ARID3A: variants seen among roughly 807,000 people sequenced by gnomAD.
ARID3A encodes AT-rich interactive domain-containing protein 3A.
ARID3A carries 11 observed loss-of-function variants against 52.7 expected under a neutral mutation model. The observed-to-expected ratio is 0.21, with a 90% CI of 0.13 to 0.35. ARID3A has a LOEUF of 0.35. Among genes scored for constraint, ARID3A ranks in the 10% least tolerant of loss-of-function variants. ARID3A has a pLI of 1.00. For missense variants in ARID3A, 721 were observed against 838.5 expected, an observed-to-expected ratio of 0.86 and a Z score of 1.73; for synonymous variants, 404 against 359.4, an observed-to-expected ratio of 1.12 and a Z score of -1.40.
rs1212722141 is a variant in ARID3A at position 972,518 on chromosome 19, TTC to T, written c.*457_*458del. 1 of 216,188 alleles carries T rather than the reference TTC, an allele frequency of 4.6e-6. No homozygotes were observed. Among genetic ancestry groups the T allele is most frequent in the Non-Finnish European group, 9.3e-6 (1 of 107,224 alleles). 13.4% of individuals were successfully genotyped at this position (216,188 alleles called of 1,614,324 possible). ...GTGTTTTCATTTTTGTCTGCTTTAG[TTC>T]TCTTTTATTTTCTATTCACCACACA... On this transcript the variant is annotated 3_prime_UTR_variant, in exon 9 of 9. Coordinates refer to ENST00000263620, the MANE Select transcript of ARID3A (RefSeq NM_005224.3).
intron 3 of ARID3A, among the ~76,000 whole-genome samples, chr19:954,710 G>A (rs546740605): frequency 3.3e-5 from 5 of 152,040 alleles, no homozygotes; most frequent in Admixed American, 6.5e-5. Flanking sequence ...CTGGGAGGAC[G>A]GGGGGCTCCC....
At chr19:970,782 T>C (rs1192686932) in intron 8 of ARID3A, among the ~76,000 whole-genome samples, 3 of 151,972 alleles carry the variant, frequency 2.0e-5, no homozygotes, top group Non-Finnish European at 4.4e-5. Context: ...GGTAAATGAA[T>C]AGTTTTTCTT....
rs956521955 is a variant in ARID3A at position 974,944 on chromosome 19, G to T, written c.*2879G>T. 2.2e-5 allele frequency: 5 copies of T among 229,890 alleles called. No individual in the cohort carries two copies. The highest frequency in any genetic ancestry group is 4.3e-5 in the Non-Finnish European group (5 of 115,978). The allele number at this position is 229,890 out of a possible 1,614,324, so 14.2% of individuals were successfully genotyped here. On this transcript the variant is annotated 3_prime_UTR_variant, in exon 9 of 9. Coordinates refer to ENST00000263620, the MANE Select transcript of ARID3A (RefSeq NM_005224.3). ...GCTGAAGGCAGTGGCCATGCTGGCC[G>T]TGGAAATGGGAGGCGGTTGCAGAGG...
In ARID3A at chr19:971,932, GA is replaced by G. The variant is rs759830543; in HGVS notation, c.1650del (p.Gly551AlafsTer113). 1.9e-4 allele frequency: 295 copies of G among 1,576,978 alleles called. 19 individuals carry two copies. Among genetic ancestry groups the G allele is most frequent in the Admixed American group, 1.0e-3 (59 of 56,554 alleles). On this transcript the variant is annotated frameshift_variant, in exon 9 of 9. Coordinates refer to ENST00000263620, the MANE Select transcript of ARID3A (RefSeq NM_005224.3). LOFTEE classifies it low-confidence loss of function (END_TRUNC). The stretch of plus-strand genomic sequence containing the variant: ...ACGCCAACCTCTGCTCCCAACAAAG[GA>G]GGCGGCGGCGGCGGCGGCAGCAGCA... ...APTPTSAPNK[G>X]GGGGGGSSSN...
At chr19:935,635 A>G (rs2037423597) in intron 3 of ARID3A, among the ~76,000 whole-genome samples, 1 of 151,634 alleles carries the variant, frequency 6.6e-6, no homozygotes, top group Non-Finnish European at 1.5e-5. Context: ...GCGCCACCAA[A>G]CTCAGCTAAT....
At position 960,051 on chromosome 19, in the gene ARID3A, G is replaced by C. The variant is rs192910888; in HGVS notation, c.694-41G>C. On this transcript the variant is annotated intron_variant, in intron 3 of 8. Coordinates refer to ENST00000263620, the MANE Select transcript of ARID3A (RefSeq NM_005224.3). This position sits in a 1 kb window ranked among gnomAD's most constrained non-coding sequence, Gnocchi z 4.3. The stretch of plus-strand genomic sequence containing the variant: ...GGAGGGACATGGTTCCCACACCTGA[G>C]CTCTGGCACCAACTAACCCATCCCC... 22 of 1,576,436 alleles carry C rather than the reference G, an allele frequency of 1.4e-5. No individual in the cohort carries two copies. The Admixed American group carries it at 2.4e-4, about 17-fold the overall frequency.
intron 3 of ARID3A, among the ~76,000 whole-genome samples, chr19:937,695 T>A (rs1376023054): frequency 6.8e-6 from 1 of 147,206 alleles, no homozygotes; most frequent in Non-Finnish European, 1.5e-5. Context: ...CTTGTTATTG[T>A]CGACTTTTTT....
In ARID3A at chr19:932,590, C is replaced by A; in HGVS notation, c.541C>A (p.Gln181Lys). 5.9e-6 allele frequency: 9 copies of A among 1,515,946 alleles called. No individual in the cohort carries two copies. The highest frequency in any genetic ancestry group is 7.9e-6 in the Non-Finnish European group (9 of 1,133,932). 93.9% of individuals were successfully genotyped at this position (1,515,946 alleles called of 1,614,324 possible). Reference sequence around the variant, plus strand: ...GTTCCCCCGAAAGGCCCAGCCACCCCAGGCCTTCCGCGGCGATGGCGTTCC... The same window carrying A: ...GTTCCCCCGAAAGGCCCAGCCACCCAAGGCCTTCCGCGGCGATGGCGTTCC... ...ALFPRKAQPP[Q>K]AFRGDGVPRV... The change falls in exon 3 of 9, where the codon CAG (glutamine) becomes AAG (lysine). Residue 181 changes from glutamine (Q) to lysine (K), a missense_variant. Transcript: ENST00000263620.
intron 8 of ARID3A, among the ~76,000 whole-genome samples, chr19:970,324 A>G (rs1038295052): frequency 1.5e-4 from 23 of 151,942 alleles, no homozygotes; most frequent in African/African-American, 5.3e-4. Context: ...GAGGAAGAAA[A>G]AAAAAAGAAT....
chr19:953,152 G>A (rs1318906369), intron 3 of ARID3A, among the ~76,000 whole-genome samples: 2 of 152,054 alleles, frequency 1.3e-5, no homozygotes, highest in African/African-American at 4.8e-5. Flanking sequence ...GGTCCGGGCA[G>A]CCGGGGAACC....
intron 1 of ARID3A, among the ~76,000 whole-genome samples, chr19:926,686 G>A (rs2037207354): frequency 6.6e-6 from 1 of 151,290 alleles, no homozygotes. Flanking sequence ...GGGCGCCGGG[G>A]TGGGTTGGGC....
Position 974,308 on chromosome 19 carries a change from T to C in ARID3A, c.*2243T>C, listed in dbSNP as rs1785755319. ...CCTTTCCAGGAGGGGGTGGTGGGCG[T>C]CTAGGTTTTCCTTGTCCCTTCCTGG... On this transcript the variant is annotated 3_prime_UTR_variant, in exon 9 of 9. Coordinates refer to ENST00000263620, the MANE Select transcript of ARID3A (RefSeq NM_005224.3). 8.8e-6 allele frequency: 2 copies of C among 226,854 alleles called. No individual in the cohort carries two copies. The highest frequency in any genetic ancestry group is 1.8e-5 in the Non-Finnish European group (2 of 114,200). The allele number at this position is 226,854 out of a possible 1,614,324, so 14.1% of individuals were successfully genotyped here. A position where few individuals can be genotyped will look rare whatever the true frequency, so the allele number is the denominator to read the frequency against.
In ARID3A at chr19:960,266, C is replaced by T. The variant is rs1683584; in HGVS notation, c.766+102C>T. 765,935 of 1,063,528 alleles carry T rather than the reference C, an allele frequency of 0.72. 281,442 individuals are homozygous for T. Among genetic ancestry groups the T allele is most frequent in the Non-Finnish European group, 0.77 (574,974 of 751,082 alleles). 65.9% of individuals were successfully genotyped at this position (1,063,528 alleles called of 1,614,324 possible). On this transcript the variant is annotated intron_variant, in intron 4 of 8. Coordinates refer to ENST00000263620, the MANE Select transcript of ARID3A (RefSeq NM_005224.3). This position sits in a 1 kb window ranked among gnomAD's most constrained non-coding sequence, Gnocchi z 4.3. ...TATGTCGGGGCGGTGGTGAGCACCC[C>T]GTGGCTGGAGGCATCCAAGGCTCCT...
chr19:932,603 G>GA lies in ARID3A; in HGVS notation c.554_555insA (p.Asp186ArgfsTer34). The stretch of plus-strand genomic sequence containing the variant: ...GCCCAGCCACCCCAGGCCTTCCGCG[G>GA]CGATGGCGTTCCCAGGGTGCTGGGG... On this transcript the variant is annotated frameshift_variant, in exon 3 of 9. Transcript: ENST00000263620. LOFTEE classifies it high-confidence loss of function. The GA allele has an allele frequency of 6.6e-7, 1 of 1,518,526 alleles. No homozygotes were observed. Among genetic ancestry groups the GA allele is most frequent in the Non-Finnish European group, 8.8e-7 (1 of 1,135,230 alleles). The allele number at this position is 1,518,526 out of a possible 1,614,324, so 94.1% of individuals were successfully genotyped here.
chr19:962,613 C>G (rs1334473010), intron 4 of ARID3A, among the ~76,000 whole-genome samples: 1 of 149,870 alleles, frequency 6.7e-6, no homozygotes, highest in Non-Finnish European at 1.5e-5. Flanking sequence ...CTCCCAGGTT[C>G]AAGTGATTCC....
chr19:970,507 T>C (rs1340677299), intron 8 of ARID3A, among the ~76,000 whole-genome samples: 28 of 137,650 alleles, frequency 2.0e-4, no homozygotes, highest in South Asian at 7.5e-4. Context: ...TCTTTTTTTT[T>C]TTTTTTTTTT....
At chr19:930,034 TG>T in intron 2 of ARID3A, 138 bp downstream of exon 2, 1 of 1,290,584 alleles carries the variant, frequency 7.7e-7, no homozygotes, top group Non-Finnish European at 1.0e-6. Context: ...GAGGCCGACG[TG>T]GGAGGATCAC....
chr19:966,930 G>A (rs2038170533), intron 7 of ARID3A, 62 bp downstream of exon 7: 1 of 1,517,900 alleles, frequency 6.6e-7, no homozygotes, highest in East Asian at 2.3e-5. Context: ...GAGGGCCTTG[G>A]AGCCTACATA....
chr19:946,354 C>A (rs191895521), intron 3 of ARID3A, among the ~76,000 whole-genome samples: 1 of 151,028 alleles, frequency 6.6e-6, no homozygotes, highest in Admixed American at 6.6e-5. Flanking sequence ...CTCCGCCTCC[C>A]GGGTTCAAGC....
Sources: gnomAD v4.1 joint callset for allele counts (sites outside exome capture counted in the v4.1 genomes callset) on GRCh38, gnomAD v4.1.1 for gene constraint, Gnocchi (gnomAD v3.1) non-coding constraint, MANE v1.5 for transcripts, NCBI Gene and HGNC (gene_info 2026-07-23, HGNC 2026-07-21) for gene names.